The following ANKFN1 variants were observed in gnomAD, a reference collection of about 807,000 sequenced individuals.
ANKFN1 encodes ankyrin repeat and fibronectin type-III domain-containing protein 1.
A neutral mutation model predicts 108.7 loss-of-function variants in ANKFN1; 74 were observed. The ratio of observed to expected loss-of-function variants is 0.68; its 90% CI spans 0.56 to 0.83. ANKFN1 has a LOEUF of 0.83. Ranked by LOEUF, ANKFN1 falls within the 40% of genes least tolerant of loss-of-function variation. The pLI is 0.00. For missense variants in ANKFN1, 1,505 were observed against 1,382.3 expected (o/e 1.09, Z -1.41); for synonymous variants, 547 against 516.2 (o/e 1.06, Z -0.81).
intron 13 of ANKFN1, 99 bp from the exon 14 acceptor site, chr17:56,457,764 T>G (rs2049759435): frequency 1.2e-6 from 1 of 855,574 alleles, no homozygotes; most frequent in Non-Finnish European, 1.9e-6. Flanking sequence ...AGAATAAACA[T>G]CAGGGGTCAG....
In ANKFN1 at chr17:56,322,134, T is replaced by TA. The variant is rs142642606; in HGVS notation, c.54-4079dup. Among the ~76,000 whole-genome samples, 769 of 151,878 alleles carry TA rather than the reference T, an allele frequency of 5.1e-3. 3 individuals carry two copies. Among genetic ancestry groups the TA allele is most frequent in the Admixed American group, 8.6e-3 (131 of 15,238 alleles). On this transcript the variant is annotated intron_variant, in intron 3 of 20. Transcript: ENST00000682825. ...TCAGCTTCTGTTCTTTTCTCTGTCT[T>TA]AAAAAAAAGAGCACAGACCACAACC... is the stretch of plus-strand genomic sequence containing the variant.
intron 8 of ANKFN1, among the ~76,000 whole-genome samples, chr17:56,406,164 G>A (rs1177625942): frequency 1.3e-5 from 2 of 152,118 alleles, no homozygotes; most frequent in Non-Finnish European, 2.9e-5. Flanking sequence ...TCACGTAAGG[G>A]CAGTCAAAAA....
At chr17:56,237,570 C>T (rs960353200) in intron 3 of ANKFN1, among the ~76,000 whole-genome samples, 2 of 151,998 alleles carry the variant, frequency 1.3e-5, no homozygotes, top group Non-Finnish European at 2.9e-5. Flanking sequence ...TCTGTGCATA[C>T]AGGTATTCAT....
intron 8 of ANKFN1, among the ~76,000 whole-genome samples, chr17:56,389,009 A>C (rs768929912): frequency 1.0e-4 from 13 of 124,416 alleles, no homozygotes; most frequent in Non-Finnish European, 2.3e-4. Flanking sequence ...TGGCAATTTC[A>C]AAAAAAAAAA....
intron 3 of ANKFN1, among the ~76,000 whole-genome samples, chr17:56,276,197 A>G (rs924145091): frequency 7.9e-5 from 12 of 152,116 alleles, no homozygotes; most frequent in African/African-American, 2.9e-4. Context: ...ACATGAGCTC[A>G]TGGAATACTG....
chr17:56,396,875 T>G lies in ANKFN1; in HGVS notation c.910+22161T>G, dbSNP rs113346161. Among the ~76,000 whole-genome samples, 825 of 152,094 alleles carry G rather than the reference T, an allele frequency of 5.4e-3. 5 individuals are homozygous for G. The highest frequency in any genetic ancestry group is 0.019 in the African/African-American group (774 of 41,488). ...AAGGACTACACTATCCCACCAGCTT[T>G]TCCACCACCCATCAGCTTAAAGGAA... On this transcript the variant is annotated intron_variant, in intron 8 of 20. Coordinates refer to ENST00000682825, the MANE Select transcript of ANKFN1 (RefSeq NM_001370326.1).
intron 20 of ANKFN1, among the ~76,000 whole-genome samples, chr17:56,500,761 T>A (rs1455902340): frequency 6.6e-6 from 1 of 152,188 alleles, no homozygotes; most frequent in African/African-American, 2.4e-5. Flanking sequence ...TTCATTCTTT[T>A]CTTTCTATTT....
intron 6 of ANKFN1, among the ~76,000 whole-genome samples, chr17:56,360,083 A>G (rs940400440): frequency 3.9e-5 from 6 of 152,212 alleles, no homozygotes; most frequent in African/African-American, 2.4e-5. Flanking sequence ...TTTGCAGCCA[A>G]TAAGAATATG....
intron 6 of ANKFN1, among the ~76,000 whole-genome samples, chr17:56,370,664 C>T (rs1025012595): frequency 2.0e-5 from 3 of 152,118 alleles, no homozygotes; most frequent in African/African-American, 4.8e-5. Flanking sequence ...AACCTGAAAA[C>T]TGTGACACAA....
chr17:56,134,928 G>C (rs1907508671), intron 4 of ANKFN1, among the ~76,000 whole-genome samples: 2 of 152,098 alleles, frequency 1.3e-5, no homozygotes, highest in African/African-American at 4.8e-5. Context: ...GACTCTTTGG[G>C]TAAAGTTGTG....
At chr17:56,150,743 C>A (rs1908552466), upstream of ANKFN1, among the ~76,000 whole-genome samples, 1 of 152,158 alleles carries the variant, frequency 6.6e-6, no homozygotes, top group South Asian at 2.1e-4. Context: ...CCCAGGTTAG[C>A]CTCCTTCCAC....
At chr17:56,395,658 G>T (rs1047019125) in intron 8 of ANKFN1, among the ~76,000 whole-genome samples, 8 of 152,184 alleles carry the variant, frequency 5.3e-5, no homozygotes, top group African/African-American at 1.9e-4. Context: ...AGACCAGCCT[G>T]GCCAACACGG....
intron 2 of ANKFN1, among the ~76,000 whole-genome samples, chr17:56,216,466 G>T (rs1312451009): frequency 1.3e-5 from 2 of 152,208 alleles, no homozygotes; most frequent in Admixed American, 6.5e-5. Flanking sequence ...ATGTAGAAAA[G>T]ATTTGAATAT....
At chr17:56,471,230 C>G (rs562614570) in intron 15 of ANKFN1, 1 of 152,716 alleles carries the variant, frequency 6.5e-6, no homozygotes, top group Admixed American at 6.5e-5. Context: ...TCCCATTTCA[C>G]CATGCTGCTG....
At chr17:56,461,954 A>C (rs1321955917) in intron 14 of ANKFN1, 1 of 152,188 alleles carries the variant, frequency 6.6e-6, no homozygotes, top group Non-Finnish European at 1.5e-5. Flanking sequence ...CCGGTCCTGC[A>C]CCGTGACCGG....
chr17:56,315,486 G>A (rs950675002), intron 3 of ANKFN1, among the ~76,000 whole-genome samples: 1 of 152,180 alleles, frequency 6.6e-6, no homozygotes, highest in African/African-American at 2.4e-5. Flanking sequence ...CAGACAGAAG[G>A]TGCCTGTTGC....
chr17:56,359,269 A>G (rs1465919214), intron 6 of ANKFN1, among the ~76,000 whole-genome samples: 1 of 152,214 alleles, frequency 6.6e-6, no homozygotes, highest in Non-Finnish European at 1.5e-5. Flanking sequence ...ATGTAGGGAA[A>G]AAAACCTTCA....
intron 20 of ANKFN1, among the ~76,000 whole-genome samples, chr17:56,500,545 G>A (rs1420312051): frequency 6.6e-6 from 1 of 152,158 alleles, no homozygotes; most frequent in African/African-American, 2.4e-5. Flanking sequence ...TTGCCTACCT[G>A]CTATGAAGTT....
chr17:56,278,397 T>C (rs538546115), intron 3 of ANKFN1, among the ~76,000 whole-genome samples: 1 of 152,242 alleles, frequency 6.6e-6, no homozygotes, highest in Non-Finnish European at 1.5e-5. Context: ...TATTCCATCA[T>C]GATTTTCTCC....
Sources: gnomAD v4.1 joint callset for allele counts (sites outside exome capture counted in the v4.1 genomes callset) on GRCh38, gnomAD v4.1.1 for gene constraint, MANE v1.5 for transcripts, NCBI Gene and HGNC (gene_info 2026-07-23, HGNC 2026-07-21) for gene names.